Variants in DDX10 observed in about 807,000 individuals in gnomAD.
DDX10 encodes DEAD-box helicase 10.
Under a neutral mutation model 104.3 loss-of-function variants are expected in DDX10, and 74 were observed. That is an observed-to-expected ratio of 0.71 (90% CI 0.59 to 0.86). The LOEUF (loss-of-function observed/expected upper bound fraction) is 0.86. Among genes scored for constraint, DDX10 ranks in the 40% least tolerant of loss-of-function variants. DDX10 has a pLI of 0.00. For synonymous variants in DDX10, 351 were observed against 353.4 expected (o/e 0.99, Z 0.08); for missense variants, 952 against 1,040.0 (o/e 0.92, Z 1.16).
At chr11:108,887,040 A>G (rs1863304694) in intron 16 of DDX10, among the ~76,000 whole-genome samples, 1 of 152,208 alleles carries the variant, frequency 6.6e-6, no homozygotes, top group Non-Finnish European at 1.5e-5. Flanking sequence ...CTCTTGGAAA[A>G]TGGTATATTA....
chr11:108,776,064 T>C (rs755549589), intron 13 of DDX10, among the ~76,000 whole-genome samples: 2 of 152,216 alleles, frequency 1.3e-5, no homozygotes, highest in Non-Finnish European at 2.9e-5. Flanking sequence ...TATGGACATT[T>C]GGGTTATTTC....
chr11:108,817,805 A>G (rs1862275094), intron 13 of DDX10, among the ~76,000 whole-genome samples: 1 of 152,208 alleles, frequency 6.6e-6, no homozygotes, highest in Non-Finnish European at 1.5e-5. Context: ...AATAGGAATG[A>G]CTGATGGGAA....
intron 6 of DDX10, 136 bp from the exon 7 acceptor site, chr11:108,688,799 AT>A: frequency 1.2e-6 from 1 of 812,114 alleles, no homozygotes; most frequent in Non-Finnish European, 1.9e-6. Flanking sequence ...ATAGAGAAAA[AT>A]TCTTTTTTTG....
Position 108,864,289 on chromosome 11 carries a change from C to T in DDX10, c.2304+12080C>T, listed in dbSNP as rs143618523. On this transcript the variant is annotated intron_variant, in intron 16 of 17. Transcript: ENST00000322536. ...CCATATCTAGCTTCCTCCATCCTTA[C>T]CCTTCTCCCATCAGAATCATTGGGG... Among the ~76,000 whole-genome samples, 548 of 152,196 alleles carry T rather than the reference C, an allele frequency of 3.6e-3. 5 individuals are homozygous for T. The highest frequency in any genetic ancestry group is 0.013 in the African/African-American group (530 of 41,528).
chr11:108,763,460 C>T (rs2094353071), intron 13 of DDX10, among the ~76,000 whole-genome samples: 1 of 152,004 alleles, frequency 6.6e-6, no homozygotes, highest in Admixed American at 6.6e-5. Context: ...AATCCAATTA[C>T]CAGGTAGGAG....
chr11:108,804,068 G>A (rs577787565), intron 13 of DDX10, among the ~76,000 whole-genome samples: 3 of 152,186 alleles, frequency 2.0e-5, no homozygotes, highest in Admixed American at 6.5e-5. Flanking sequence ...GTAAGTAAGC[G>A]GCTCAGAATG....
chr11:108,926,038 G>T (rs1863904101), intron 17 of DDX10, among the ~76,000 whole-genome samples: 1 of 152,192 alleles, frequency 6.6e-6, no homozygotes, highest in Non-Finnish European at 1.5e-5. Context: ...TAGATTGAGA[G>T]AGAAGTGGAT....
rs1312594947 is a variant in DDX10 at position 108,665,129 on chromosome 11, C to G, written c.-25C>G. On this transcript the variant is annotated 5_prime_UTR_variant, in exon 1 of 18. In the 5' UTR this introduces an upstream ATG that the reference lacks. Transcript: ENST00000322536. ...TAGGTGTCTCGTGTCTGGGGTTGAT[C>G]CGAGCTGTCGCCGCCGCCGCCGCAA... is the stretch of plus-strand genomic sequence containing the variant. 3 of 1,593,448 alleles carry G rather than the reference C, an allele frequency of 1.9e-6. No homozygotes were observed. In the South Asian group the frequency reaches 3.4e-5, roughly 18 times the overall value.
chr11:108,841,965 A>G (rs1221065743), intron 15 of DDX10, among the ~76,000 whole-genome samples: 3 of 152,142 alleles, frequency 2.0e-5, no homozygotes, highest in Non-Finnish European at 4.4e-5. Flanking sequence ...GTCCCATCGT[A>G]TGGATGTACT....
At chr11:108,764,403 C>G (rs956753225) in intron 13 of DDX10, among the ~76,000 whole-genome samples, 6 of 152,186 alleles carry the variant, frequency 3.9e-5, no homozygotes, top group African/African-American at 9.7e-5. Context: ...TGCGGTGGCT[C>G]TAGCCTGTAA....
At chr11:108,798,110 A>G (rs1861971131) in intron 13 of DDX10, among the ~76,000 whole-genome samples, 1 of 152,150 alleles carries the variant, frequency 6.6e-6, no homozygotes, top group Non-Finnish European at 1.5e-5. Context: ...ATCTTCCTTA[A>G]TCAGCATTTT....
At chr11:108,754,972 G>A (rs1322169599) in intron 13 of DDX10, among the ~76,000 whole-genome samples, 3 of 151,994 alleles carry the variant, frequency 2.0e-5, no homozygotes, top group Non-Finnish European at 4.4e-5. Flanking sequence ...CACTATTTGA[G>A]GAAATCTGAT....
At chr11:108,825,266 G>A (rs896652515) in intron 13 of DDX10, among the ~76,000 whole-genome samples, 1 of 152,276 alleles carries the variant, frequency 6.6e-6, no homozygotes, top group African/African-American at 2.4e-5. Flanking sequence ...TGCATATCTG[G>A]AAAATGAGGG....
At chr11:108,698,801 C>T (rs759495518) in intron 9 of DDX10, among the ~76,000 whole-genome samples, 11 of 152,178 alleles carry the variant, frequency 7.2e-5, no homozygotes, top group South Asian at 2.1e-4. Flanking sequence ...ACTATTCATC[C>T]GTTTCCCCCC....
At chr11:108,675,858 C>A in intron 3 of DDX10, 132 bp downstream of exon 3, 3 of 1,139,174 alleles carry the variant, frequency 2.6e-6, no homozygotes, top group Non-Finnish European at 2.5e-6. Flanking sequence ...CGAGCTTCAT[C>A]AAACAGGAGC....
chr11:108,862,681 G>A (rs1255117700), intron 16 of DDX10, among the ~76,000 whole-genome samples: 3 of 152,158 alleles, frequency 2.0e-5, no homozygotes, highest in Non-Finnish European at 4.4e-5. Flanking sequence ...AAGGAGGAGC[G>A]TAGTCGTCAT....
In DDX10 at chr11:108,714,993, A is replaced by C. The variant is rs1289011607; in HGVS notation, c.1323-886A>C. On this transcript the variant is annotated intron_variant, in intron 10 of 17. Coordinates refer to ENST00000322536, the MANE Select transcript of DDX10 (RefSeq NM_004398.4). ...ATCACCATTCTGGCTTTGCAGAAACAACGTGGTTCAGCCTAAAATCAGAGA... is the reference window on the plus strand; with the variant it reads ...ATCACCATTCTGGCTTTGCAGAAACCACGTGGTTCAGCCTAAAATCAGAGA... 2.4e-4 allele frequency among the ~76,000 whole-genome samples: 36 copies of C among 152,040 alleles called. 1 individual carries two copies.
intron 11 of DDX10, among the ~76,000 whole-genome samples, 164 bp from the exon 12 acceptor site, chr11:108,719,633 C>A (rs893383003): frequency 6.6e-6 from 1 of 152,056 alleles, no homozygotes; most frequent in Non-Finnish European, 1.5e-5. Flanking sequence ...TATTACAGTT[C>A]TAAAAGGTAG....
intron 16 of DDX10, among the ~76,000 whole-genome samples, chr11:108,917,106 C>T (rs1003981727): frequency 3.3e-5 from 5 of 151,488 alleles, no homozygotes; most frequent in Admixed American, 3.3e-4. Flanking sequence ...CACTCCATCA[C>T]CCAAGCTGGC....
Sources: gnomAD v4.1 joint callset for allele counts (sites outside exome capture counted in the v4.1 genomes callset) on GRCh38, gnomAD v4.1.1 for gene constraint, MANE v1.5 for transcripts, NCBI Gene and HGNC (gene_info 2026-07-23, HGNC 2026-07-21) for gene names.